Variants in TTLL4 observed in about 807,000 individuals in gnomAD.
TTLL4 encodes tubulin monoglutamylase TTLL4.
In TTLL4, 85 loss-of-function variants were observed where a neutral mutation model predicts 122.7. The ratio of observed to expected loss-of-function variants is 0.69; its 90% CI spans 0.58 to 0.83. The LOEUF (loss-of-function observed/expected upper bound fraction) is 0.83. TTLL4 is among the 40% of genes least tolerant of loss of function. TTLL4 has a pLI of 0.00. For synonymous variants in TTLL4, 553 were observed against 563.0 expected (o/e 0.98, Z 0.25); for missense variants, 1,363 against 1,488.6 (o/e 0.92, Z 1.39).
intron 2 of TTLL4, among the ~76,000 whole-genome samples, chr2:218,730,278 C>T (rs4006668): frequency 0.53 from 64,699 of 122,158 alleles, 18,251 homozygotes; most frequent in African/African-American, 0.65. Flanking sequence ...CCAGCCTGGC[C>T]AATATGGTGA....
rs1341460707 is a variant in TTLL4 at position 218,745,730 on chromosome 2, G to A, written c.1826G>A (p.Trp609Ter). The A allele has an allele frequency of 1.2e-6, 2 of 1,613,204 alleles. No individual in the cohort carries two copies. The highest frequency in any genetic ancestry group is 1.7e-5 in the Admixed American group (1 of 59,900). The change falls in exon 7 of 20, where the codon TGG becomes TAG. Residue 609 changes from tryptophan (W) to a stop codon, truncating the protein, a stop_gained. Coordinates refer to ENST00000392102, the MANE Select transcript of TTLL4 (RefSeq NM_014640.5). LOFTEE classifies it high-confidence loss of function. The stretch of plus-strand genomic sequence containing the variant: ...TGGGAACAGAGGAAGTTGCTCCGAT[G>A]GAAGATGAGCACAGTGACCCCCAAC... Reference protein sequence around the residue: ...LPWEQRKLLRWKMSTVTPNIV... With the variant: ...LPWEQRKLLR
chr2:218,751,629 G>A, intron 15 of TTLL4, 75 bp from the exon 16 acceptor site: 2 of 1,557,968 alleles, frequency 1.3e-6, no homozygotes, highest in South Asian at 1.2e-5. Flanking sequence ...CTGCTGGGCT[G>A]GACCTCCTCC....
At position 218,738,546 on chromosome 2, in the gene TTLL4, T is replaced by C; in HGVS notation, c.870T>C (p.Ala290=). Residue 290 remains alanine, a synonymous_variant, in exon 3 of 20, where the codon GCT becomes GCC. Coordinates refer to ENST00000392102, the MANE Select transcript of TTLL4 (RefSeq NM_014640.5). Reference sequence around the variant, plus strand: ...GTGCCCATATCGCCTTGTCTACCGCTAGCTCCCACGACACATCCACCACCA... The same window carrying C: ...GTGCCCATATCGCCTTGTCTACCGCCAGCTCCCACGACACATCCACCACCA... ...DASAHIALST[A]SSHDTSTTSV... is the part of the protein sequence containing the mutation. 1.2e-6 allele frequency: 2 copies of C among 1,614,158 alleles called. No homozygotes were observed. Among genetic ancestry groups the C allele is most frequent in the East Asian group, 2.2e-5 (1 of 44,878 alleles).
rs57886887 is a variant in TTLL4, at chr2:218,728,944, C to CG, written c.-99+1606dup. On this transcript the variant is annotated intron_variant, in intron 2 of 19. Transcript: ENST00000392102. ...CTATTTTTTTTTTTTTTTTTTTTGG[C>CG]GGGGGGGGGCATAGTTTTGTTCTTG... Among the ~76,000 whole-genome samples, 227 of 108,640 alleles carry CG rather than the reference C, an allele frequency of 2.1e-3. 1 individual carries two copies. Among genetic ancestry groups the CG allele is most frequent in the Middle Eastern group, 0.01 (2 of 194 alleles). 71.3% of individuals were successfully genotyped at this position (108,640 alleles called of 152,430 possible).
At position 218,751,729 on chromosome 2, in the gene TTLL4, T is replaced by C. The variant is rs1275715758; in HGVS notation, c.2899T>C (p.Cys967Arg). 1 of 1,613,134 alleles carries C rather than the reference T, an allele frequency of 6.2e-7. No individual in the cohort carries two copies. The highest frequency in any genetic ancestry group is 1.7e-5 in the Admixed American group (1 of 59,932). The stretch of plus-strand genomic sequence containing the variant: ...CCTGCCCACCTCCCCTGGGGACAAA[T>C]GTCGAATGGCTCCAGAGCATGTCAC... ...TSLPTSPGDK[C>R]RMAPEHVTAQ... The change falls in exon 16 of 20, where the codon TGT becomes CGT. Residue 967 changes from cysteine to arginine, a missense_variant. Cys to Arg is a radical substitution (Grantham distance 180). This residue lies in a region of TTLL4 where 596 missense variants were observed against 655.8 expected (regional missense o/e 0.91). Transcript: ENST00000392102.
At chr2:218,715,774 C>T (rs556593250) in intron 1 of TTLL4, among the ~76,000 whole-genome samples, 1 of 152,242 alleles carries the variant, frequency 6.6e-6, no homozygotes, top group Non-Finnish European at 1.5e-5. Flanking sequence ...GGACTACAGG[C>T]ACCCGCCACC....
rs756346733 is a variant in TTLL4 at position 218,740,509 on chromosome 2, T to G, written c.1598-12T>G. The G allele has an allele frequency of 6.8e-6, 11 of 1,614,000 alleles. No individual in the cohort carries two copies. The highest frequency in any genetic ancestry group is 9.3e-6 in the Non-Finnish European group (11 of 1,179,982). The stretch of plus-strand genomic sequence containing the variant: ...CTTCTAGTCAGAATTTCTCTGTTCT[T>G]CCTTCCTCTAGGAGACTCAGAGTGC... On this transcript the variant is annotated splice_polypyrimidine_tract_variant and intron_variant, in intron 4 of 19. Coordinates refer to ENST00000392102, the MANE Select transcript of TTLL4 (RefSeq NM_014640.5).
intron 18 of TTLL4, 135 bp downstream of exon 18, chr2:218,753,320 TCTTTC>T: frequency 9.5e-7 from 1 of 1,050,990 alleles, no homozygotes; most frequent in Admixed American, 1.8e-5. Flanking sequence ...GTCTCACCAT[TCTTTC>T]CTTTCAAGGG....
intron 2 of TTLL4, among the ~76,000 whole-genome samples, chr2:218,735,967 C>A (rs1359797093): frequency 1.3e-5 from 1 of 79,966 alleles, no homozygotes; most frequent in Non-Finnish European, 2.2e-5. Flanking sequence ...CGTGCCCAGC[C>A]TTTTTTTTTT....
rs1456932826 is a variant in TTLL4 at position 218,749,384 on chromosome 2, C to T, written c.2732C>T (p.Pro911Leu). The T allele has an allele frequency of 6.2e-7, 1 of 1,614,012 alleles. No homozygotes were observed. The highest frequency in any genetic ancestry group is 1.7e-5 in the Admixed American group (1 of 60,004). Residue 911 changes from proline to leucine, a missense_variant, in exon 14 of 20, where the codon CCA (proline) becomes CTA (leucine). Physicochemically the swap from Pro to Leu is moderately conservative, Grantham distance 98. This residue lies in a region of TTLL4 where 596 missense variants were observed against 655.8 expected (regional missense o/e 0.91). Coordinates refer to ENST00000392102, the MANE Select transcript of TTLL4 (RefSeq NM_014640.5). ...KPWVLEVNIS[P>L]SLHSSSPLDI... ...TGGGTCCTGGAAGTCAACATTTCCCCAAGGTAGGTGGTATTCTCAGGACAC... is the reference window on the plus strand; with the variant it reads ...TGGGTCCTGGAAGTCAACATTTCCCTAAGGTAGGTGGTATTCTCAGGACAC...
Position 218,753,318 on chromosome 2 carries a change from A to G in TTLL4, c.3258+133A>G, listed in dbSNP as rs1240519533. ...CGCTAGGCTCTGCTTCTGTCTCACC[A>G]TTCTTTCCTTTCAAGGGAATAGTTG... On this transcript the variant is annotated intron_variant, in intron 18 of 19. Coordinates refer to ENST00000392102, the MANE Select transcript of TTLL4 (RefSeq NM_014640.5). 4 of 1,057,824 alleles carry G rather than the reference A, an allele frequency of 3.8e-6. No individual in the cohort carries two copies. The Admixed American group carries it at 7.4e-5, about 19-fold the overall frequency. The allele number at this position is 1,057,824 out of a possible 1,614,324, so 65.5% of individuals were successfully genotyped here. A position where few individuals can be genotyped will look rare whatever the true frequency, so the allele number is the denominator to read the frequency against.
At chr2:218,720,173 T>C (rs1941989762) in intron 1 of TTLL4, among the ~76,000 whole-genome samples, 1 of 151,950 alleles carries the variant, frequency 6.6e-6, no homozygotes, top group African/African-American at 2.4e-5. Context: ...AACAGGCAGT[T>C]GGTGATGCAG....
intron 5 of TTLL4, among the ~76,000 whole-genome samples, chr2:218,742,465 C>T (rs1559369567): frequency 6.6e-6 from 1 of 152,076 alleles, no homozygotes; most frequent in East Asian, 1.9e-4. Flanking sequence ...CATTGCATTT[C>T]CTGTTGTTGT....
chr2:218,757,946 G>C (rs182446098), downstream of TTLL4, among the ~76,000 whole-genome samples: 94 of 152,278 alleles, frequency 6.2e-4, no homozygotes, highest in African/African-American at 2.0e-3. Context: ...AAACACTGAT[G>C]GTTTTCAGAT....
chr2:218,731,941 C>A (rs992574220), intron 2 of TTLL4, among the ~76,000 whole-genome samples: 6 of 152,182 alleles, frequency 3.9e-5, no homozygotes, highest in Non-Finnish European at 7.4e-5. Context: ...CCTGTTTGCC[C>A]CTTAAGCCCT....
In TTLL4 at chr2:218,747,626, G is replaced by A. The variant is rs1942883399; in HGVS notation, c.2279G>A (p.Gly760Asp). The A allele has an allele frequency of 4.3e-6, 7 of 1,614,088 alleles. No homozygotes were observed. Among genetic ancestry groups the A allele is most frequent in the South Asian group, 1.1e-5 (1 of 91,094 alleles). ...CTACACAAACCCTACCTCATCAGCG[G>A]CAGCAAGTTTGACCTGCGGATCTAT... ...RYLHKPYLIS[G>D]SKFDLRIYVY... is the part of the protein sequence containing the mutation. Residue 760 changes from glycine to aspartate, a missense_variant, in exon 11 of 20, where the codon GGC becomes GAC. Physicochemically the swap from Gly to Asp is moderately conservative, Grantham distance 94. This residue lies in a region of TTLL4 where 596 missense variants were observed against 655.8 expected (regional missense o/e 0.91). Transcript: ENST00000392102. This position sits in a 1 kb window ranked among gnomAD's most constrained non-coding sequence, Gnocchi z 4.7.
chr2:218,716,907 TAA>T (rs1340277568), intron 1 of TTLL4, among the ~76,000 whole-genome samples: 1 of 152,232 alleles, frequency 6.6e-6, no homozygotes, highest in Non-Finnish European at 1.5e-5. Flanking sequence ...TGATTCATGC[TAA>T]GTCACCAGCA....
At chr2:218,730,075 A>G (rs1439648682) in intron 2 of TTLL4, among the ~76,000 whole-genome samples, 2 of 152,158 alleles carry the variant, frequency 1.3e-5, no homozygotes, top group African/African-American at 2.4e-5. Context: ...CATATGTCCT[A>G]CAAATAATGA....
At chr2:218,718,674 G>A (rs768288739) in intron 1 of TTLL4, among the ~76,000 whole-genome samples, 1 of 152,098 alleles carries the variant, frequency 6.6e-6, no homozygotes, top group Non-Finnish European at 1.5e-5. Context: ...CACTGCGCCC[G>A]GCCAGCAATA....
Sources: allele counts gnomAD v4.1 joint callset (sites outside exome capture counted in the v4.1 genomes callset), GRCh38; gene constraint gnomAD v4.1.1; regional missense constraint gnomAD v4.1.1; non-coding constraint Gnocchi (gnomAD v3.1); transcripts MANE v1.5; gene names NCBI Gene and HGNC (gene_info 2026-07-23, HGNC 2026-07-21).